The following MPPED2 variants were observed in gnomAD, a reference collection of about 807,000 sequenced individuals.
MPPED2 encodes metallophosphoesterase domain containing 2.
In MPPED2, 5 loss-of-function variants were observed where a neutral mutation model predicts 33.0. That is an observed-to-expected ratio of 0.15 (90% CI 0.08 to 0.32). MPPED2 has a LOEUF of 0.32. Ranked by LOEUF, MPPED2 falls within the 10% of genes least tolerant of loss-of-function variation. The pLI, the probability that MPPED2 is intolerant of heterozygous loss-of-function variation, is 1.00. For synonymous variants in MPPED2, 136 were observed against 141.9 expected, an observed-to-expected ratio of 0.96 and a Z score of 0.29; for missense variants, 275 against 372.1, an observed-to-expected ratio of 0.74 and a Z score of 2.15.
At chr11:30,409,891 G>T (rs1481736109), downstream of MPPED2, among the ~76,000 whole-genome samples, 2 of 152,112 alleles carry the variant, frequency 1.3e-5, no homozygotes, top group Non-Finnish European at 2.9e-5. Context: ...GTCATCAACG[G>T]TTTCCCCAAA....
intron 4 of MPPED2, among the ~76,000 whole-genome samples, chr11:30,424,541 T>C (rs1017050940): frequency 2.0e-5 from 3 of 152,172 alleles, no homozygotes; most frequent in African/African-American, 7.2e-5. Context: ...TCTTGATCTC[T>C]AGCTCACCTG....
At chr11:30,545,640 A>G (rs569677619) in intron 2 of MPPED2, among the ~76,000 whole-genome samples, 26 of 152,148 alleles carry the variant, frequency 1.7e-4, no homozygotes, top group Non-Finnish European at 3.1e-4. Flanking sequence ...TGACCCTTAC[A>G]GCGATAGGCT....
intron 3 of MPPED2, among the ~76,000 whole-genome samples, chr11:30,518,057 A>G (rs1191164916): frequency 6.6e-5 from 10 of 152,224 alleles, no homozygotes; most frequent in African/African-American, 2.4e-4. Flanking sequence ...GCAGGCAAAG[A>G]AATCAAACAT....
At chr11:30,505,594 T>A (rs1353405172) in intron 3 of MPPED2, among the ~76,000 whole-genome samples, 2 of 152,202 alleles carry the variant, frequency 1.3e-5, no homozygotes, top group Non-Finnish European at 2.9e-5. Context: ...AAAGAAAGAT[T>A]TATACAACAA....
At chr11:30,449,157 A>G (rs1442212500) in intron 4 of MPPED2, among the ~76,000 whole-genome samples, 1 of 150,618 alleles carries the variant, frequency 6.6e-6, no homozygotes, top group Admixed American at 6.6e-5. Context: ...TGCCTGGAAC[A>G]TGGTAGTTGC....
At chr11:30,409,534 C>A (rs1306972000), downstream of MPPED2, among the ~76,000 whole-genome samples, 23 of 152,226 alleles carry the variant, frequency 1.5e-4, no homozygotes, top group African/African-American at 5.5e-4. Context: ...AGCAGGAATT[C>A]TGGCTTAGAA....
At chr11:30,503,495 C>G (rs1952664242) in intron 3 of MPPED2, among the ~76,000 whole-genome samples, 1 of 152,104 alleles carries the variant, frequency 6.6e-6, no homozygotes, top group African/African-American at 2.4e-5. Context: ...ACCAAATATC[C>G]TTTCTCCACA....
At chr11:30,582,443 G>A (rs571844035) in intron 1 of MPPED2, among the ~76,000 whole-genome samples, 1 of 152,198 alleles carries the variant, frequency 6.6e-6, no homozygotes, top group South Asian at 2.1e-4. Context: ...TGTCTATTGT[G>A]TGAAATACTG....
At chr11:30,503,704 C>T (rs1275866110) in intron 3 of MPPED2, among the ~76,000 whole-genome samples, 1 of 152,192 alleles carries the variant, frequency 6.6e-6, no homozygotes, top group African/African-American at 2.4e-5. Flanking sequence ...TATTTTAAGA[C>T]TGCCAATCCC....
chr11:30,407,731 C>T (rs1031825401), downstream of MPPED2, among the ~76,000 whole-genome samples: 4 of 151,952 alleles, frequency 2.6e-5, no homozygotes, highest in Admixed American at 6.6e-5. Context: ...ATTAGCTGGG[C>T]GCGGTGGCAC....
In MPPED2 at chr11:30,423,410, G is replaced by T. The variant is rs114786610; in HGVS notation, c.537-5777C>A. ...CTGGGCACCTTCTGCAGGGATTACA[G>T]CTTGGAAGCCTTGGGGCAGCTGTGC... On this transcript the variant is annotated intron_variant, in intron 4 of 6. Transcript: ENST00000358117. Among the ~76,000 whole-genome samples, 1,177 of 152,320 alleles carry T rather than the reference G, an allele frequency of 7.7e-3. 20 individuals carry two copies. Among genetic ancestry groups the T allele is most frequent in the African/African-American group, 0.027 (1,107 of 41,566 alleles).
At chr11:30,571,356 A>G (rs1229126426) in intron 2 of MPPED2, among the ~76,000 whole-genome samples, 3 of 152,130 alleles carry the variant, frequency 2.0e-5, no homozygotes, top group Non-Finnish European at 4.4e-5. Flanking sequence ...CCAATCTTCA[A>G]AGAAAAATAG....
chr11:30,503,479 G>A (rs1484958661), intron 3 of MPPED2, among the ~76,000 whole-genome samples: 1 of 152,072 alleles, frequency 6.6e-6, no homozygotes, highest in Non-Finnish European at 1.5e-5. Context: ...TCAGGTCGTG[G>A]TTAACACCAA....
chr11:30,494,100 C>T (rs759465776), intron 4 of MPPED2, among the ~76,000 whole-genome samples: 6 of 152,170 alleles, frequency 3.9e-5, no homozygotes, highest in Non-Finnish European at 8.8e-5. Context: ...AACTGCTGGG[C>T]TTCATCTCAG....
At chr11:30,473,899 A>G (rs1951061667) in intron 4 of MPPED2, among the ~76,000 whole-genome samples, 1 of 152,164 alleles carries the variant, frequency 6.6e-6, no homozygotes, top group South Asian at 2.1e-4. Context: ...TCCTATCAAC[A>G]ACCACCTGAG....
At chr11:30,476,251 G>A (rs1228271530) in intron 4 of MPPED2, among the ~76,000 whole-genome samples, 3 of 151,948 alleles carry the variant, frequency 2.0e-5, no homozygotes, top group Admixed American at 6.6e-5. Flanking sequence ...TTCAAAGACT[G>A]AAAATTTTAA....
intron 1 of MPPED2, among the ~76,000 whole-genome samples, 192 bp downstream of exon 1, chr11:30,585,850 G>A (rs1235206290): frequency 2.0e-5 from 3 of 152,198 alleles, no homozygotes; most frequent in Admixed American, 6.5e-5. Context: ...CGCTCGTGCG[G>A]ATGTCAGGGG....
intron 6 of MPPED2, among the ~76,000 whole-genome samples, chr11:30,414,022 C>T (rs1393420808): frequency 6.6e-6 from 1 of 152,130 alleles, no homozygotes; most frequent in African/African-American, 2.4e-5. Flanking sequence ...AGACGTGCTT[C>T]CTACTTTCCA....
At chr11:30,390,777 G>T (rs966553634) in intron 6 of MPPED2, among the ~76,000 whole-genome samples, 1 of 152,196 alleles carries the variant, frequency 6.6e-6, no homozygotes, top group Non-Finnish European at 1.5e-5. Context: ...GGTTAGCTGG[G>T]CCCAAAGGTT....
Sources: gnomAD v4.1 joint callset for allele counts (sites outside exome capture counted in the v4.1 genomes callset) on GRCh38, gnomAD v4.1.1 for gene constraint, MANE v1.5 for transcripts, NCBI Gene and HGNC (gene_info 2026-07-23, HGNC 2026-07-21) for gene names.